The following LRMDA variants were observed in gnomAD, a reference collection of about 807,000 sequenced individuals.
LRMDA encodes the protein leucine-rich melanocyte differentiation-associated protein.
In LRMDA, 18 loss-of-function variants were observed where a neutral mutation model predicts 29.8. The observed-to-expected ratio is 0.60, with a 90% confidence interval of 0.42 to 0.90. LRMDA has a LOEUF of 0.90. Ranked by LOEUF, LRMDA falls within the 40% of genes least tolerant of loss-of-function variation. LRMDA has a pLI of 0.00. For missense variants in LRMDA, 273 were observed against 273.9 expected, an observed-to-expected ratio of 1.00 and a Z score of 0.02; for synonymous variants, 125 against 109.4, an observed-to-expected ratio of 1.14 and a Z score of -0.89.
intron 2 of LRMDA, among the ~76,000 whole-genome samples, chr10:75,764,928 CGTGTGTGTGTGTGTGT>C (rs57422251): frequency 4.2e-5 from 6 of 142,770 alleles, no homozygotes; most frequent in Non-Finnish European, 7.7e-5. Flanking sequence ...GCAAGAGACA[CGTGTGTGTGTGTGTGT>C]GTGTGTGTGT....
chr10:76,460,282 T>G, intron 6 of LRMDA, among the ~76,000 whole-genome samples: 1 of 152,240 alleles, frequency 6.6e-6, no homozygotes, highest in East Asian at 1.9e-4. Context: ...CCAGAGGATA[T>G]GTGGAAACAC....
At chr10:76,365,107 T>TATATATATGTATATATATACACAC (rs141131236) in intron 6 of LRMDA, among the ~76,000 whole-genome samples, 1 of 61,202 alleles carries the variant, frequency 1.6e-5, no homozygotes, top group African/African-American at 4.7e-5. Context: ...TATATATATA[T>TATATATATGTATATATATACACAC]ACACACACAC....
intron 2 of LRMDA, among the ~76,000 whole-genome samples, chr10:75,843,153 T>C (rs1844571048): frequency 6.6e-6 from 1 of 152,128 alleles, no homozygotes; most frequent in Non-Finnish European, 1.5e-5. Flanking sequence ...GGGAAAAAAA[T>C]AGGCTTTTAA....
At chr10:76,332,861 A>G (rs1840921181) in intron 6 of LRMDA, among the ~76,000 whole-genome samples, 1 of 152,206 alleles carries the variant, frequency 6.6e-6, no homozygotes. Context: ...GAAATAGAGA[A>G]TATTATCTCT....
At chr10:75,610,320 A>C (rs1232863282) in intron 2 of LRMDA, among the ~76,000 whole-genome samples, 1 of 151,972 alleles carries the variant, frequency 6.6e-6, no homozygotes, top group Non-Finnish European at 1.5e-5. Flanking sequence ...GTAGACACAG[A>C]CACACACCAC....
At chr10:76,268,856 C>T (rs1303661247) in intron 5 of LRMDA, among the ~76,000 whole-genome samples, 1 of 152,028 alleles carries the variant, frequency 6.6e-6, no homozygotes, top group Non-Finnish European at 1.5e-5. Context: ...CCTGTGTTTT[C>T]TCTGAGCGTG....
At chr10:75,557,775 G>C (rs749710486) in intron 2 of LRMDA, among the ~76,000 whole-genome samples, 2 of 152,094 alleles carry the variant, frequency 1.3e-5, no homozygotes, top group African/African-American at 2.4e-5. Flanking sequence ...CTCTGTTTTC[G>C]CTAAGCTCTT....
At chr10:75,729,645 A>T (rs2132196832) in intron 2 of LRMDA, among the ~76,000 whole-genome samples, 1 of 152,324 alleles carries the variant, frequency 6.6e-6, no homozygotes, top group South Asian at 2.1e-4. Flanking sequence ...GGGTCATGAA[A>T]ATACTAAGGT....
intron 6 of LRMDA, among the ~76,000 whole-genome samples, chr10:76,387,331 G>C (rs1244974973): frequency 6.6e-6 from 1 of 152,130 alleles, no homozygotes; most frequent in South Asian, 2.1e-4. Flanking sequence ...AGCAGGCATA[G>C]TGGCTCATGC....
At chr10:75,881,246 G>T (rs772964078) in intron 2 of LRMDA, among the ~76,000 whole-genome samples, 2 of 152,174 alleles carry the variant, frequency 1.3e-5, no homozygotes, top group Non-Finnish European at 2.9e-5. Flanking sequence ...GAAAAGTAAA[G>T]GTGGCTGCTG....
intron 2 of LRMDA, among the ~76,000 whole-genome samples, chr10:75,834,436 G>A (rs946825525): frequency 6.6e-6 from 1 of 152,078 alleles, no homozygotes; most frequent in Non-Finnish European, 1.5e-5. Context: ...TCCCTTCATG[G>A]CAGTGAACCT....
At chr10:76,489,898 G>A (rs925055284) in intron 6 of LRMDA, among the ~76,000 whole-genome samples, 2 of 151,812 alleles carry the variant, frequency 1.3e-5, no homozygotes, top group Non-Finnish European at 1.5e-5. Context: ...GTGAAGAGGT[G>A]CCTTCTGCCA....
chr10:76,140,351 T>C (rs965805144), intron 5 of LRMDA, among the ~76,000 whole-genome samples: 5 of 152,062 alleles, frequency 3.3e-5, no homozygotes, highest in Admixed American at 2.6e-4. Context: ...CAGAACAAAA[T>C]CTGAAATCTG....
intron 5 of LRMDA, among the ~76,000 whole-genome samples, chr10:76,251,129 C>T (rs1014231074): frequency 2.7e-5 from 4 of 150,680 alleles, no homozygotes; most frequent in Admixed American, 6.6e-5. Context: ...TAGAAAATAA[C>T]GCATTGCTTT....
chr10:76,523,048 A>C (rs1002781372), intron 6 of LRMDA, among the ~76,000 whole-genome samples: 1 of 151,882 alleles, frequency 6.6e-6, no homozygotes, highest in African/African-American at 2.4e-5. Context: ...ACTGGCTTTC[A>C]CATGTCCTGC....
At chr10:75,518,712 T>C (rs559735108) in intron 2 of LRMDA, among the ~76,000 whole-genome samples, 5 of 152,326 alleles carry the variant, frequency 3.3e-5, no homozygotes, top group African/African-American at 9.6e-5. Flanking sequence ...TCAGTTCTGC[T>C]CTGATCTTAG....
chr10:76,197,078 C>G (rs1429012019), intron 5 of LRMDA, among the ~76,000 whole-genome samples: 1 of 152,182 alleles, frequency 6.6e-6, no homozygotes, highest in African/African-American at 2.4e-5. Context: ...TTGGAAGACA[C>G]CTGGTATATG....
chr10:76,316,490 G>T (rs150338277), intron 5 of LRMDA, among the ~76,000 whole-genome samples: 3 of 152,172 alleles, frequency 2.0e-5, no homozygotes, highest in African/African-American at 7.2e-5. Flanking sequence ...CCAGCTGAGC[G>T]CAGCCTGCTG....
At chr10:75,770,311 A>T (rs1489460622) in intron 2 of LRMDA, among the ~76,000 whole-genome samples, 1 of 152,148 alleles carries the variant, frequency 6.6e-6, no homozygotes, top group Non-Finnish European at 1.5e-5. Flanking sequence ...ATTAATTTAA[A>T]AACTTACAGT....
Sources: gnomAD v4.1 joint callset for allele counts (sites outside exome capture counted in the v4.1 genomes callset) on GRCh38, gnomAD v4.1.1 for gene constraint, MANE v1.5 for transcripts, NCBI Gene and HGNC (gene_info 2026-07-23, HGNC 2026-07-21) for gene names.